MEI4: variants seen among roughly 807,000 people sequenced by gnomAD.
The protein encoded by MEI4 is meiosis-specific protein MEI4.
A neutral mutation model predicts 31.4 loss-of-function variants in MEI4; 27 were observed. The ratio of observed to expected loss-of-function variants is 0.86; its 90% CI spans 0.63 to 1.19. MEI4 has a LOEUF of 1.19. MEI4 is among the 50% of genes most tolerant of loss of function. The pLI, the probability that MEI4 is intolerant of heterozygous loss-of-function variation, is 0.00. For synonymous variants in MEI4, 122 were observed against 145.4 expected (o/e 0.84, Z 1.16); for missense variants, 329 against 398.9 (o/e 0.82, Z 1.49).
intron 1 of MEI4, among the ~76,000 whole-genome samples, chr6:77,688,789 T>G (rs2127651737): frequency 6.6e-6 from 1 of 152,222 alleles, no homozygotes; most frequent in Middle Eastern, 3.4e-3. Context: ...CAAACTTACT[T>G]CTTGAAGGAG....
intron 2 of MEI4, among the ~76,000 whole-genome samples, chr6:77,717,885 C>T (rs1393389614): frequency 2.1e-5 from 2 of 93,914 alleles, no homozygotes; most frequent in African/African-American, 8.6e-5. Flanking sequence ...ACAATCTGAT[C>T]TCTCTTGCTT....
chr6:77,650,401 C>T (rs1031619913), upstream of MEI4, among the ~76,000 whole-genome samples: 1 of 152,242 alleles, frequency 6.6e-6, no homozygotes, highest in African/African-American at 2.4e-5. Context: ...GACCTGCTCC[C>T]TCACTTCCCC....
intron 3 of MEI4, among the ~76,000 whole-genome samples, chr6:77,765,052 A>G (rs1450001984): frequency 6.6e-6 from 1 of 152,182 alleles, no homozygotes; most frequent in Non-Finnish European, 1.5e-5. Context: ...ACAGTGATCA[A>G]TAGCTCGAAT....
At chr6:77,872,972 G>A (rs1273868861) in intron 4 of MEI4, among the ~76,000 whole-genome samples, 129 of 150,866 alleles carry the variant, frequency 8.6e-4, no homozygotes, top group Middle Eastern at 3.4e-3. Flanking sequence ...TCTTAATCCA[G>A]TCTATCATTG....
intron 4 of MEI4, among the ~76,000 whole-genome samples, chr6:77,857,172 A>G (rs1770766114): frequency 2.0e-5 from 3 of 152,162 alleles, no homozygotes. Context: ...TATATTTCAC[A>G]CAGCCTGGAT....
chr6:77,671,756 A>C (rs1382511236), intron 1 of MEI4, among the ~76,000 whole-genome samples: 1 of 152,146 alleles, frequency 6.6e-6, no homozygotes, highest in Non-Finnish European at 1.5e-5. Flanking sequence ...GGGAGCTGGT[A>C]GATGAAGGGG....
intron 3 of MEI4, among the ~76,000 whole-genome samples, chr6:77,814,347 A>C (rs574840100): frequency 6.6e-6 from 1 of 152,262 alleles, no homozygotes; most frequent in South Asian, 2.1e-4. Context: ...CTCAAGGTTC[A>C]TTGATAAGAA....
intron 2 of MEI4, among the ~76,000 whole-genome samples, chr6:77,706,059 C>T (rs7743610): frequency 3.4e-4 from 51 of 152,200 alleles, no homozygotes; most frequent in African/African-American, 1.2e-3. Flanking sequence ...TGACCTTCTC[C>T]CCTTCTTTCT....
At chr6:77,652,792 TG>T (rs1042202160), upstream of MEI4, among the ~76,000 whole-genome samples, 7 of 152,168 alleles carry the variant, frequency 4.6e-5, no homozygotes, top group Non-Finnish European at 8.8e-5. Context: ...CAGAGATTTC[TG>T]CTCTGAACAG....
At chr6:77,898,601 T>C (rs1766130536) in intron 4 of MEI4, among the ~76,000 whole-genome samples, 1 of 152,104 alleles carries the variant, frequency 6.6e-6, no homozygotes, top group African/African-American at 2.4e-5. Flanking sequence ...TTTGTGCTTT[T>C]ACCCCTTCCA....
intron 2 of MEI4, among the ~76,000 whole-genome samples, chr6:77,741,161 G>A (rs112184138): frequency 1.2e-3 from 190 of 152,238 alleles, no homozygotes; most frequent in African/African-American, 2.7e-3. Context: ...AATTAGCATG[G>A]CATGTTTTGG....
At position 77,710,177 on chromosome 6, in the gene MEI4, T is replaced by C. The variant is rs558857828; in HGVS notation, c.232+19274T>C. ...TTAACCTTTTTAACAGTAAATACCA[T>C]ATGAATCCAGGCCTTTTGTACCTGG... On this transcript the variant is annotated intron_variant, in intron 2 of 4. Coordinates refer to ENST00000684080, the MANE Select transcript of MEI4 (RefSeq NM_001322247.2). Among the ~76,000 whole-genome samples the C allele has an allele frequency of 3.3e-5, 5 of 152,288 alleles. No individual in the cohort carries two copies. In the East Asian group the frequency reaches 9.6e-4, roughly 29 times the overall value.
chr6:77,867,633 T>C (rs1771075703), intron 4 of MEI4, among the ~76,000 whole-genome samples: 1 of 152,172 alleles, frequency 6.6e-6, no homozygotes, highest in Non-Finnish European at 1.5e-5. Context: ...TTTAAACTAG[T>C]TCAACCATTG....
intron 3 of MEI4, among the ~76,000 whole-genome samples, chr6:77,770,194 A>G (rs1185017384): frequency 6.6e-6 from 1 of 152,080 alleles, no homozygotes; most frequent in Non-Finnish European, 1.5e-5. Flanking sequence ...ACTTTGAACA[A>G]CTATATGCCA....
intron 3 of MEI4, among the ~76,000 whole-genome samples, chr6:77,802,332 C>T (rs1481578886): frequency 6.6e-6 from 1 of 152,158 alleles, no homozygotes; most frequent in Non-Finnish European, 1.5e-5. Flanking sequence ...GGTAGATCTT[C>T]CTCCATCCCT....
chr6:77,851,789 G>GA (rs1422732533), intron 4 of MEI4, among the ~76,000 whole-genome samples: 1 of 151,330 alleles, frequency 6.6e-6, no homozygotes, highest in Non-Finnish European at 1.5e-5. Flanking sequence ...TAATTAAAAA[G>GA]AAAAAAAAGC....
chr6:77,788,833 G>C (rs1011514277), intron 3 of MEI4, among the ~76,000 whole-genome samples: 1 of 152,150 alleles, frequency 6.6e-6, no homozygotes, highest in African/African-American at 2.4e-5. Flanking sequence ...ACTGCCCAAA[G>C]TAATTTACAG....
intron 2 of MEI4, among the ~76,000 whole-genome samples, chr6:77,731,809 G>T (rs1433792316): frequency 6.6e-6 from 1 of 151,964 alleles, no homozygotes; most frequent in Non-Finnish European, 1.5e-5. Flanking sequence ...TTTTGTATAA[G>T]GTGTAAGGAA....
At chr6:77,687,764 G>C (rs1451244872) in intron 1 of MEI4, among the ~76,000 whole-genome samples, 1 of 152,040 alleles carries the variant, frequency 6.6e-6, no homozygotes, top group Non-Finnish European at 1.5e-5. Context: ...CATGTATGGG[G>C]GGATTGCACA....
Sources: gnomAD v4.1 joint callset for allele counts (sites outside exome capture counted in the v4.1 genomes callset) on GRCh38, gnomAD v4.1.1 for gene constraint, MANE v1.5 for transcripts, NCBI Gene and HGNC (gene_info 2026-07-23, HGNC 2026-07-21) for gene names.